The following SNX8 variants were observed in gnomAD, a reference collection of about 807,000 sequenced individuals.
SNX8 encodes sorting nexin-8.
In SNX8, 25 loss-of-function variants were observed where a neutral mutation model predicts 51.6. That is an observed-to-expected ratio of 0.48 (90% CI 0.35 to 0.68). The LOEUF (loss-of-function observed/expected upper bound fraction) is 0.68. SNX8 is among the 30% of genes least tolerant of loss of function. SNX8 has a pLI of 0.00. For synonymous variants in SNX8, 324 were observed against 277.0 expected, an observed-to-expected ratio of 1.17 and a Z score of -1.68; for missense variants, 695 against 624.0, an observed-to-expected ratio of 1.11 and a Z score of -1.21.
chr7:2,296,857 G>A (rs1355201323), intron 1 of SNX8, among the ~76,000 whole-genome samples: 1 of 151,890 alleles, frequency 6.6e-6, no homozygotes, highest in Non-Finnish European at 1.5e-5. Context: ...TTGAACCTGG[G>A]AGGCAGAGGT....
intron 1 of SNX8, among the ~76,000 whole-genome samples, chr7:2,349,020 A>T (rs1779087992): frequency 6.7e-6 from 1 of 150,066 alleles, no homozygotes; most frequent in South Asian, 2.1e-4. Flanking sequence ...AAAAATCATG[A>T]CTTTCAATTT....
At chr7:2,301,029 G>C (rs1562446649) in intron 1 of SNX8, among the ~76,000 whole-genome samples, 1 of 152,168 alleles carries the variant, frequency 6.6e-6, no homozygotes, top group Admixed American at 6.6e-5. Context: ...CAGGCATTCT[G>C]AATTTACATG....
At chr7:2,308,974 A>G (rs1796608037) in intron 1 of SNX8, among the ~76,000 whole-genome samples, 1 of 152,046 alleles carries the variant, frequency 6.6e-6, no homozygotes, top group African/African-American at 2.4e-5. Context: ...ATTTTTGTAC[A>G]GACGGGGTTT....
intron 1 of SNX8, among the ~76,000 whole-genome samples, chr7:2,342,359 G>T (rs1778947242): frequency 6.7e-6 from 1 of 150,244 alleles, no homozygotes; most frequent in South Asian, 2.1e-4. Flanking sequence ...TTTTATTAAG[G>T]ATAGAATTAC....
At chr7:2,314,924 TCA>T (rs1374298758), upstream of SNX8, among the ~76,000 whole-genome samples, 2 of 149,322 alleles carry the variant, frequency 1.3e-5, no homozygotes, top group Non-Finnish European at 1.5e-5. Context: ...ATTCATCCAC[TCA>T]CACACTCACT....
At chr7:2,268,303 G>A (rs1438178539) in intron 5 of SNX8, among the ~76,000 whole-genome samples, 1 of 142,724 alleles carries the variant, frequency 7.0e-6, no homozygotes, top group Non-Finnish European at 1.5e-5. Context: ...CCCTCTGCCT[G>A]GCAACCACCC....
At chr7:2,305,166 G>T (rs1796518875) in intron 1 of SNX8, among the ~76,000 whole-genome samples, 1 of 152,280 alleles carries the variant, frequency 6.6e-6, no homozygotes, top group South Asian at 2.1e-4. Flanking sequence ...GGAGGCAGGG[G>T]AGCTCTTCTG....
intron 1 of SNX8, among the ~76,000 whole-genome samples, chr7:2,307,516 C>T (rs1423106668): frequency 6.6e-6 from 1 of 151,614 alleles, no homozygotes; most frequent in Non-Finnish European, 1.5e-5. Context: ...CGTGTAATCC[C>T]AGCTACTCGG....
At chr7:2,300,985 C>G (rs1796377967) in intron 1 of SNX8, among the ~76,000 whole-genome samples, 1 of 152,138 alleles carries the variant, frequency 6.6e-6, no homozygotes, top group Non-Finnish European at 1.5e-5. Context: ...AGACAAGTAA[C>G]CATTCTCCCA....
upstream of SNX8, among the ~76,000 whole-genome samples, chr7:2,316,732 T>C (rs1796764405): frequency 6.7e-6 from 1 of 150,058 alleles, no homozygotes; most frequent in Admixed American, 6.6e-5. Flanking sequence ...CACTGCATCC[T>C]GCATTCATTC....
intron 1 of SNX8, 22 bp downstream of exon 1, chr7:2,314,306 C>A (rs1584734018): frequency 1.6e-6 from 2 of 1,220,058 alleles, no homozygotes; most frequent in African/African-American, 1.6e-5. Flanking sequence ...CAGGTGGGGG[C>A]TACCGCCGCC....
chr7:2,300,745 T>C (rs939897658), intron 1 of SNX8, among the ~76,000 whole-genome samples: 1 of 151,980 alleles, frequency 6.6e-6, no homozygotes, highest in Admixed American at 6.6e-5. Flanking sequence ...TGGGTTCAAA[T>C]GATTCTCCTG....
chr7:2,269,410 A>G (rs967192588), intron 5 of SNX8, 149 bp downstream of exon 5: 26 of 417,600 alleles, frequency 6.2e-5, no homozygotes, highest in Admixed American at 1.2e-4. Flanking sequence ...TAGGAAAACC[A>G]GAGACCTTTG....
intron 1 of SNX8, among the ~76,000 whole-genome samples, chr7:2,281,211 G>C (rs1002997553): frequency 3.5e-4 from 54 of 152,168 alleles, no homozygotes; most frequent in Non-Finnish European, 5.9e-5. Context: ...GATCACTTGA[G>C]CCCAGGAGTT....
chr7:2,283,153 T>C (rs911543591), intron 1 of SNX8, among the ~76,000 whole-genome samples: 34 of 151,562 alleles, frequency 2.2e-4, no homozygotes, highest in African/African-American at 8.2e-4. Context: ...AAACAGGATT[T>C]ACCGACAAAC....
chr7:2,271,046 TG>T (rs1189790425), intron 4 of SNX8, among the ~76,000 whole-genome samples: 2 of 152,178 alleles, frequency 1.3e-5, no homozygotes, highest in East Asian at 3.9e-4. Flanking sequence ...GCTGCAGGGT[TG>T]TTTTTTGTTT....
intron 1 of SNX8, among the ~76,000 whole-genome samples, chr7:2,310,826 C>T (rs541145293): frequency 5.9e-5 from 9 of 152,152 alleles, no homozygotes; most frequent in Middle Eastern, 3.4e-3. Context: ...GAATATACTA[C>T]GCTAGGGAAA....
At chr7:2,265,198 C>T (rs538098251) in intron 5 of SNX8, among the ~76,000 whole-genome samples, 4 of 152,106 alleles carry the variant, frequency 2.6e-5, no homozygotes, top group African/African-American at 9.6e-5. Flanking sequence ...AAAAATTAGC[C>T]GAGCCTGGTG....
Position 2,254,498 on chromosome 7 carries a change from T to C in SNX8, c.*558A>G. 6.0e-6 allele frequency: 1 copy of C among 166,528 alleles called. No homozygotes were observed. Among genetic ancestry groups the C allele is most frequent in the Admixed American group, 5.7e-5 (1 of 17,682 alleles). The allele number at this position is 166,528 out of a possible 1,614,324, so 10.3% of individuals were successfully genotyped here. A position where few individuals can be genotyped will look rare whatever the true frequency, so the allele number is the denominator to read the frequency against. ...GAGGCCACTGGACCCCACAGGCCAC[T>C]CCCAGACCAGGGCTCCAGGTGTTGA... On this transcript the variant is annotated 3_prime_UTR_variant, in exon 11 of 11. Transcript: ENST00000222990.
Sources: allele counts gnomAD v4.1 joint callset (sites outside exome capture counted in the v4.1 genomes callset), GRCh38; gene constraint gnomAD v4.1.1; transcripts MANE v1.5; gene names NCBI Gene and HGNC (gene_info 2026-07-23, HGNC 2026-07-21).